NTM: variants seen among roughly 807,000 people sequenced by gnomAD.
The protein encoded by NTM is neurotrimin, also known as IgLON family member 2.
In NTM, 13 loss-of-function variants were observed where a neutral mutation model predicts 42.1. That is an observed-to-expected ratio of 0.31 (90% CI 0.20 to 0.49). The LOEUF (loss-of-function observed/expected upper bound fraction) is 0.49. NTM is among the 20% of genes least tolerant of loss of function. The pLI, the probability that NTM is intolerant of heterozygous loss-of-function variation, is 0.99. For missense variants in NTM, 373 were observed against 452.8 expected, an observed-to-expected ratio of 0.82 and a Z score of 1.60; for synonymous variants, 187 against 179.2, an observed-to-expected ratio of 1.04 and a Z score of -0.35.
chr11:132,314,003 TCTC>T (rs1056611079), intron 6 of NTM, among the ~76,000 whole-genome samples: 9 of 152,168 alleles, frequency 5.9e-5, no homozygotes, highest in African/African-American at 2.2e-4. Context: ...TGATGATTTT[TCTC>T]CTCTTCATAG....
intron 1 of NTM, among the ~76,000 whole-genome samples, chr11:131,790,623 T>C (rs2090798439): frequency 6.6e-6 from 1 of 152,210 alleles, no homozygotes; most frequent in African/African-American, 2.4e-5. Context: ...AATGTCAACC[T>C]TCACCTGGGG....
chr11:131,624,068 G>A (rs1374745244), intron 1 of NTM, among the ~76,000 whole-genome samples: 2 of 152,182 alleles, frequency 1.3e-5, no homozygotes, highest in Non-Finnish European at 2.9e-5. Context: ...ATTTCCTGGG[G>A]CACCTTGTAC....
At chr11:131,419,851 T>G (rs556852268) in intron 1 of NTM, among the ~76,000 whole-genome samples, 1 of 152,218 alleles carries the variant, frequency 6.6e-6, no homozygotes, top group South Asian at 2.1e-4. Flanking sequence ...GCTGGCGGCT[T>G]AGACTGGAGT....
intron 1 of NTM, among the ~76,000 whole-genome samples, chr11:131,477,878 C>A (rs1003702860): frequency 6.6e-6 from 1 of 151,316 alleles, no homozygotes; most frequent in Non-Finnish European, 1.5e-5. Flanking sequence ...TTACCTACAA[C>A]GTTTAGCAGG....
At chr11:132,071,602 G>A (rs2057681840) in intron 2 of NTM, among the ~76,000 whole-genome samples, 1 of 152,150 alleles carries the variant, frequency 6.6e-6, no homozygotes, top group African/African-American at 2.4e-5. Context: ...GTGGGGAAGG[G>A]CATGGTAAAT....
intron 1 of NTM, among the ~76,000 whole-genome samples, chr11:131,706,538 T>C (rs1039854100): frequency 6.6e-6 from 1 of 152,018 alleles, no homozygotes; most frequent in Non-Finnish European, 1.5e-5. Flanking sequence ...AAATACATAC[T>C]ATTTTCAAGT....
intron 4 of NTM, among the ~76,000 whole-genome samples, chr11:132,264,180 G>A (rs564619218): frequency 3.3e-5 from 5 of 152,174 alleles, no homozygotes; most frequent in South Asian, 2.1e-4. Flanking sequence ...AATAGTTTAC[G>A]TTTCTGCCAG....
Position 131,476,366 on chromosome 11 carries a change from C to G in NTM, c.82+105478C>G, listed in dbSNP as rs139019878. On this transcript the variant is annotated intron_variant, in intron 1 of 8. Coordinates refer to ENST00000683400, the MANE Select transcript of NTM (RefSeq NM_001352005.2). ...AGGTAGCAGCAGGACCCCAGCTAATCATGTACCTGGGCCCTGTGGCCATGC... is the reference window on the plus strand; with the variant it reads ...AGGTAGCAGCAGGACCCCAGCTAATGATGTACCTGGGCCCTGTGGCCATGC... Among the ~76,000 whole-genome samples the G allele has an allele frequency of 1.2e-3, 188 of 152,338 alleles. 1 individual carries two copies. Among genetic ancestry groups the G allele is most frequent in the African/African-American group, 4.4e-3 (182 of 41,580 alleles).
chr11:131,829,013 T>TCA (rs770850514), intron 1 of NTM, among the ~76,000 whole-genome samples: 17 of 152,012 alleles, frequency 1.1e-4, no homozygotes, highest in Non-Finnish European at 2.4e-4. Flanking sequence ...TCCCTCTCTC[T>TCA]CACATACACA....
intron 1 of NTM, among the ~76,000 whole-genome samples, chr11:131,765,048 C>T (rs925749274): frequency 2.6e-5 from 4 of 152,122 alleles, no homozygotes; most frequent in African/African-American, 9.7e-5. Flanking sequence ...ACCCAGCCGG[C>T]GCTTCTCCAG....
chr11:131,639,388 A>G (rs1371127176), intron 1 of NTM, among the ~76,000 whole-genome samples: 2 of 152,220 alleles, frequency 1.3e-5, no homozygotes, highest in Non-Finnish European at 2.9e-5. Context: ...AATTTCTCAG[A>G]TAAGAATTTG....
chr11:132,283,867 C>T (rs2094112638), intron 4 of NTM, among the ~76,000 whole-genome samples: 1 of 152,120 alleles, frequency 6.6e-6, no homozygotes, highest in Non-Finnish European at 1.5e-5. Flanking sequence ...AGACACTAAG[C>T]TCTTGCCCAG....
intron 1 of NTM, among the ~76,000 whole-genome samples, chr11:131,810,172 C>T (rs1259410292): frequency 6.6e-6 from 1 of 152,098 alleles, no homozygotes; most frequent in Admixed American, 6.5e-5. Flanking sequence ...CCTGTCCCTC[C>T]TCTGCTTAAG....
intron 3 of NTM, among the ~76,000 whole-genome samples, chr11:132,183,203 T>G (rs2077840782): frequency 6.6e-6 from 1 of 152,204 alleles, no homozygotes; most frequent in Non-Finnish European, 1.5e-5. Context: ...ATTCTATGAC[T>G]GTAATAATCA....
intron 3 of NTM, among the ~76,000 whole-genome samples, chr11:132,168,112 G>A (rs995608002): frequency 2.0e-5 from 3 of 152,160 alleles, no homozygotes; most frequent in African/African-American, 7.2e-5. Context: ...ATCAGTTGGT[G>A]GCAATTGGCA....
chr11:131,854,411 G>C (rs1254153898), intron 1 of NTM, among the ~76,000 whole-genome samples: 1 of 152,220 alleles, frequency 6.6e-6, no homozygotes, highest in Non-Finnish European at 1.5e-5. Flanking sequence ...AGGATAGCTG[G>C]GGAATTCGCA....
At chr11:131,963,603 A>C (rs1395724260) in intron 2 of NTM, among the ~76,000 whole-genome samples, 1 of 152,216 alleles carries the variant, frequency 6.6e-6, no homozygotes, top group Non-Finnish European at 1.5e-5. Context: ...TTATTGTTGG[A>C]GCTCTACTCC....
intron 1 of NTM, among the ~76,000 whole-genome samples, chr11:131,762,721 C>T (rs1360643534): frequency 6.6e-6 from 1 of 152,212 alleles, no homozygotes; most frequent in Non-Finnish European, 1.5e-5. Flanking sequence ...ATAGACTGCT[C>T]CTCTGTCTAT....
intron 2 of NTM, among the ~76,000 whole-genome samples, chr11:131,982,838 A>G (rs2065465574): frequency 6.6e-6 from 1 of 152,186 alleles, no homozygotes; most frequent in African/African-American, 2.4e-5. Context: ...CAATTTAATC[A>G]AGGCAAGATT....
Sources: gnomAD v4.1 joint callset for allele counts (sites outside exome capture counted in the v4.1 genomes callset) on GRCh38, gnomAD v4.1.1 for gene constraint, MANE v1.5 for transcripts, NCBI Gene and HGNC (gene_info 2026-07-23, HGNC 2026-07-21) for gene names.